Variants in CD109 observed in about 807,000 individuals in gnomAD.
CD109 encodes the protein CD109 molecule, also known as CD109 antigen.
In CD109, 149 loss-of-function variants were observed where a neutral mutation model predicts 165.8. That is an observed-to-expected ratio of 0.90 (90% CI 0.79 to 1.03). The LOEUF is 1.03. Among genes scored for constraint, CD109 ranks in the 50% least tolerant of loss-of-function variants. CD109 has a pLI of 0.00. For synonymous variants in CD109, 585 were observed against 592.1 expected, an observed-to-expected ratio of 0.99 and a Z score of 0.18; for missense variants, 1,712 against 1,677.8, an observed-to-expected ratio of 1.02 and a Z score of -0.36.
At chr6:73,805,555 C>T (rs1775531574) in intron 24 of CD109, among the ~76,000 whole-genome samples, 1 of 152,194 alleles carries the variant, frequency 6.6e-6, no homozygotes, top group African/African-American at 2.4e-5. Context: ...TACTAATCCT[C>T]CTCAGCACAG....
chr6:73,725,383 G>A (rs1247934687), intron 3 of CD109, among the ~76,000 whole-genome samples: 2 of 152,114 alleles, frequency 1.3e-5, no homozygotes, highest in Admixed American at 6.5e-5. Context: ...TTCACATACC[G>A]GAAGTGTAGA....
At chr6:73,781,371 C>G (rs569956470) in intron 17 of CD109, 52 bp downstream of exon 17, 1 of 1,403,652 alleles carries the variant, frequency 7.1e-7, no homozygotes, top group Admixed American at 1.7e-5. Context: ...TGATATTCAA[C>G]ATTACTTATA....
chr6:73,693,297 G>A (rs1372830968), upstream of CD109, among the ~76,000 whole-genome samples: 1 of 152,116 alleles, frequency 6.6e-6, no homozygotes, highest in Non-Finnish European at 1.5e-5. Context: ...AGATCCCATG[G>A]TGAGAGAGGA....
intron 24 of CD109, among the ~76,000 whole-genome samples, chr6:73,806,181 C>A: frequency 6.6e-6 from 1 of 152,052 alleles, no homozygotes; most frequent in African/African-American, 2.4e-5. Context: ...ACTATGCAGC[C>A]ATAAAAAAGG....
chr6:73,766,036 C>A lies in CD109; in HGVS notation c.1214C>A (p.Ser405Tyr). The change falls in exon 11 of 33, where the codon TCT (serine) becomes TAT (tyrosine). Residue 405 changes from serine (S) to tyrosine (Y), a missense_variant. Ser to Tyr is a moderately radical substitution (Grantham distance 144, BLOSUM62 -2). Transcript: ENST00000287097. ...QRNYTEYWSG[S>Y]NSGNQKMEAV... ...AACTATACTGAGTACTGGAGCGGAT[C>A]TAACAGTGGAAATCAGAAAATGGAA... is the stretch of plus-strand genomic sequence containing the variant. 1 of 1,613,750 alleles carries A rather than the reference C, an allele frequency of 6.2e-7. No individual in the cohort carries two copies.
At position 73,758,899 on chromosome 6, in the gene CD109, C is replaced by T. The variant is rs182238470; in HGVS notation, c.674-45C>T. The T allele has an allele frequency of 2.8e-5, 28 of 1,000,530 alleles. No individual in the cohort carries two copies. In the Admixed American group the frequency reaches 3.4e-4, roughly 12 times the overall value. The allele number at this position is 1,000,530 out of a possible 1,614,324, so 62.0% of individuals were successfully genotyped here. On this transcript the variant is annotated intron_variant, in intron 6 of 32. Transcript: ENST00000287097. ...TTTAAAAGATTTACCCTTGCTTCTT[C>T]GTCTCAAAAAGAAAAAAAGATTTAC...
intron 24 of CD109, among the ~76,000 whole-genome samples, chr6:73,806,566 A>G (rs570121950): frequency 1.2e-4 from 18 of 152,218 alleles, no homozygotes; most frequent in Non-Finnish European, 2.5e-4. Context: ...GGATTAGATC[A>G]TTTCTAAATT....
At chr6:73,732,292 C>T (rs1014341247) in intron 4 of CD109, among the ~76,000 whole-genome samples, 2 of 152,102 alleles carry the variant, frequency 1.3e-5, no homozygotes, top group Non-Finnish European at 2.9e-5. Context: ...ATTAAAACAA[C>T]AAAACCCAAT....
At chr6:73,805,701 G>T (rs1231471355) in intron 24 of CD109, among the ~76,000 whole-genome samples, 23 of 152,186 alleles carry the variant, frequency 1.5e-4, no homozygotes, top group Non-Finnish European at 8.8e-5. Context: ...GCCTTCCGCA[G>T]TGTTTGTGTC....
At chr6:73,808,391 T>C (rs1372629440) in intron 26 of CD109, 143 bp downstream of exon 26, 3 of 751,310 alleles carry the variant, frequency 4.0e-6, no homozygotes, top group East Asian at 2.7e-5. Flanking sequence ...AGGATGGGCC[T>C]GACATGGCCA....
At chr6:73,716,844 A>G (rs967562942) in intron 2 of CD109, among the ~76,000 whole-genome samples, 13 of 152,218 alleles carry the variant, frequency 8.5e-5, no homozygotes, top group African/African-American at 3.1e-4. Flanking sequence ...TGCTCAAGAA[A>G]TCTTTGCCCA....
At position 73,762,462 on chromosome 6, in the gene CD109, T is replaced by C. The variant is rs1562052308; in HGVS notation, c.837T>C (p.Asn279=). ...LPLSFWGKKK[N]ITKTFKINGS... is the part of the protein sequence containing the mutation. ...TATCCTTTTGGGGAAAGAAGAAAAATATTACAAAAACATTTAAGGTAACTT... is the reference window on the plus strand; with the variant it reads ...TATCCTTTTGGGGAAAGAAGAAAAACATTACAAAAACATTTAAGGTAACTT... Residue 279 remains asparagine (N), a synonymous_variant, in exon 8 of 33, where the codon AAT becomes AAC. Coordinates refer to ENST00000287097, the MANE Select transcript of CD109 (RefSeq NM_133493.5). 6.2e-7 allele frequency: 1 copy of C among 1,605,852 alleles called. No homozygotes were observed. Among genetic ancestry groups the C allele is most frequent in the Admixed American group, 1.7e-5 (1 of 59,824 alleles).
intron 15 of CD109, 53 bp from the exon 16 acceptor site, chr6:73,780,371 T>C: frequency 9.8e-7 from 1 of 1,022,110 alleles, no homozygotes; most frequent in Non-Finnish European, 1.6e-6. Context: ...TTGGAAGAAG[T>C]GTGGAAAGTT....
the CD109 span, among the ~76,000 whole-genome samples, chr6:73,679,293 T>C: frequency 1.3e-5 from 2 of 151,980 alleles, no homozygotes; most frequent in African/African-American, 4.8e-5. Context: ...CCAGGATGGA[T>C]GAGATAATGT....
chr6:73,821,199 C>T (rs547017376), intron 32 of CD109, among the ~76,000 whole-genome samples: 1 of 152,078 alleles, frequency 6.6e-6, no homozygotes, highest in Non-Finnish European at 1.5e-5. Flanking sequence ...AGGAGTTATA[C>T]CTAATGTAAA....
At chr6:73,707,114 G>A (rs1203405806) in intron 2 of CD109, among the ~76,000 whole-genome samples, 2 of 152,162 alleles carry the variant, frequency 1.3e-5, no homozygotes, top group Non-Finnish European at 2.9e-5. Flanking sequence ...GATTATAGAG[G>A]CTTGTTCGGG....
At chr6:73,803,435 A>T (rs896188832) in intron 24 of CD109, 134 bp downstream of exon 24, 5 of 599,044 alleles carry the variant, frequency 8.3e-6, no homozygotes, top group African/African-American at 8.0e-5. Flanking sequence ...GTCTGGCTTT[A>T]AAAAGAGATT....
At chr6:73,736,600 A>T in intron 5 of CD109, 92 bp downstream of exon 5, 1 of 1,097,836 alleles carries the variant, frequency 9.1e-7, no homozygotes, top group Non-Finnish European at 1.3e-6. Context: ...TACAATGAAG[A>T]GAAAAAAATT....
At chr6:73,791,190 TAC>T (rs1260761363) in intron 22 of CD109, among the ~76,000 whole-genome samples, 39 of 13,502 alleles carry the variant, frequency 2.9e-3, no homozygotes, top group East Asian at 4.7e-3. Flanking sequence ...CACACACACA[TAC>T]ATATATATAT....
Sources: allele counts gnomAD v4.1 joint callset (sites outside exome capture counted in the v4.1 genomes callset), GRCh38; gene constraint gnomAD v4.1.1; transcripts MANE v1.5; gene names NCBI Gene and HGNC (gene_info 2026-07-23, HGNC 2026-07-21).